Variants in PDE1A observed in about 807,000 individuals in gnomAD.
The protein encoded by PDE1A is dual specificity calcium/calmodulin-dependent 3',5'-cyclic nucleotide phosphodiesterase 1A.
In PDE1A, 35 loss-of-function variants were observed where a neutral mutation model predicts 61.7. The ratio of observed to expected loss-of-function variants is 0.57; its 90% CI spans 0.43 to 0.75. PDE1A has a LOEUF of 0.75. PDE1A is among the 30% of genes least tolerant of loss of function. PDE1A has a pLI of 0.00. For missense variants in PDE1A, 597 were observed against 630.6 expected, an observed-to-expected ratio of 0.95 and a Z score of 0.57; for synonymous variants, 232 against 213.2, an observed-to-expected ratio of 1.09 and a Z score of -0.77.
chr2:182,314,801 A>C (rs761930455), intron 1 of PDE1A, among the ~76,000 whole-genome samples: 7 of 76,242 alleles, frequency 9.2e-5, no homozygotes, highest in Non-Finnish European at 1.6e-4. Context: ...AAAGCTTATC[A>C]AAATGTATAC....
At chr2:182,316,847 T>C (rs184997886) in intron 1 of PDE1A, among the ~76,000 whole-genome samples, 60 of 152,332 alleles carry the variant, frequency 3.9e-4, no homozygotes, top group African/African-American at 1.4e-3. Context: ...CATTTGGATA[T>C]GTGTTGGCTT....
intron 1 of PDE1A, among the ~76,000 whole-genome samples, chr2:182,389,745 A>T (rs2887199): frequency 0.2 from 30,462 of 151,980 alleles, 3,834 homozygotes; most frequent in East Asian, 0.45. Flanking sequence ...CAGTCGGTGG[A>T]TTGGGAGAGG....
chr2:182,546,540 G>A, the PDE1A span, among the ~76,000 whole-genome samples: 2 of 152,154 alleles, frequency 1.3e-5, no homozygotes, highest in South Asian at 4.1e-4. Flanking sequence ...TGAAAGCCAC[G>A]TGGATAACGA....
intron 2 of PDE1A, among the ~76,000 whole-genome samples, chr2:182,449,319 G>C (rs1685354976): frequency 6.6e-6 from 1 of 151,468 alleles, no homozygotes; most frequent in Admixed American, 6.6e-5. Flanking sequence ...AAGAGACAGA[G>C]AGAGAGAGAA....
chr2:182,273,500 T>A (rs1693184185), intron 1 of PDE1A, among the ~76,000 whole-genome samples: 1 of 151,696 alleles, frequency 6.6e-6, no homozygotes, highest in Non-Finnish European at 1.5e-5. Flanking sequence ...TTTTGTCACA[T>A]ATATCATGCT....
At chr2:182,666,444 C>A in the PDE1A span, among the ~76,000 whole-genome samples, 1 of 151,538 alleles carries the variant, frequency 6.6e-6, no homozygotes, top group African/African-American at 2.4e-5. Context: ...ATGGTGAAAC[C>A]CCATCAATAC....
chr2:182,158,048 C>T (rs1242554207), intron 13 of PDE1A, among the ~76,000 whole-genome samples: 1 of 152,122 alleles, frequency 6.6e-6, no homozygotes, highest in Non-Finnish European at 1.5e-5. Flanking sequence ...ATGTCAATAC[C>T]TAACTTTGGC....
chr2:182,395,511 T>C (rs1354854510), intron 1 of PDE1A, among the ~76,000 whole-genome samples: 1 of 152,180 alleles, frequency 6.6e-6, no homozygotes, highest in Non-Finnish European at 1.5e-5. Context: ...ATATTCCTTC[T>C]AAGGTGAAAG....
chr2:182,276,762 G>A (rs555750300), intron 1 of PDE1A, among the ~76,000 whole-genome samples: 6 of 152,002 alleles, frequency 3.9e-5, no homozygotes, highest in Non-Finnish European at 7.4e-5. Flanking sequence ...AGATATCACT[G>A]AATTCTTTTC....
chr2:182,289,365 C>T (rs978012846), intron 1 of PDE1A, among the ~76,000 whole-genome samples: 39 of 151,292 alleles, frequency 2.6e-4, no homozygotes, highest in African/African-American at 8.9e-4. Flanking sequence ...ACATTATGGG[C>T]AGGCATTTTT....
intron 1 of PDE1A, among the ~76,000 whole-genome samples, chr2:182,327,055 A>T (rs1050446984): frequency 6.6e-6 from 1 of 152,242 alleles, no homozygotes; most frequent in Non-Finnish European, 1.5e-5. Flanking sequence ...ACAAATAATT[A>T]TTGAATATCT....
intron 2 of PDE1A, among the ~76,000 whole-genome samples, chr2:182,443,640 T>C (rs1202792962): frequency 6.6e-6 from 1 of 152,046 alleles, no homozygotes; most frequent in Non-Finnish European, 1.5e-5. Context: ...TCCCCAGCCA[T>C]GCTTCCTCTA....
At chr2:182,488,205 C>A (rs1449588718) in intron 2 of PDE1A, among the ~76,000 whole-genome samples, 3 of 152,116 alleles carry the variant, frequency 2.0e-5, no homozygotes, top group African/African-American at 4.8e-5. Flanking sequence ...AACTAGGGTA[C>A]AATTCACAAT....
At chr2:182,538,467 ATTAAT>A in the PDE1A span, among the ~76,000 whole-genome samples, 1 of 152,208 alleles carries the variant, frequency 6.6e-6, no homozygotes, top group Non-Finnish European at 1.5e-5. Flanking sequence ...GGCATGCACC[ATTAAT>A]TTAGAGAATT....
downstream of PDE1A, among the ~76,000 whole-genome samples, chr2:182,143,597 G>T (rs1244631111): frequency 6.6e-6 from 1 of 151,986 alleles, no homozygotes; most frequent in Admixed American, 6.6e-5. Flanking sequence ...CTCACTGCAA[G>T]CTCCGCCTCC....
intron 2 of PDE1A, among the ~76,000 whole-genome samples, chr2:182,434,691 T>C (rs553653077): frequency 6.6e-6 from 1 of 152,082 alleles, no homozygotes; most frequent in African/African-American, 2.4e-5. Context: ...AAGAGAATTG[T>C]AAAATTAACA....
chr2:182,210,013 A>G (rs1687450174), intron 7 of PDE1A, among the ~76,000 whole-genome samples: 1 of 152,096 alleles, frequency 6.6e-6, no homozygotes, highest in Non-Finnish European at 1.5e-5. Flanking sequence ...TCTTGTCTGC[A>G]TATACCACAG....
At chr2:182,220,138 T>C (rs1688597968) in intron 7 of PDE1A, among the ~76,000 whole-genome samples, 1 of 152,056 alleles carries the variant, frequency 6.6e-6, no homozygotes, top group Admixed American at 6.6e-5. Context: ...ATTTCTAAAA[T>C]AGATTTCCAT....
the PDE1A span, among the ~76,000 whole-genome samples, chr2:182,671,673 G>A: frequency 1.4e-5 from 2 of 139,462 alleles, no homozygotes; most frequent in East Asian, 2.1e-4. Context: ...AGGCTGCAGT[G>A]CAGTGGAGCG....
Sources: gnomAD v4.1 joint callset for allele counts (sites outside exome capture counted in the v4.1 genomes callset) on GRCh38, gnomAD v4.1.1 for gene constraint, MANE v1.5 for transcripts, NCBI Gene and HGNC (gene_info 2026-07-23, HGNC 2026-07-21) for gene names.